Variants in TBC1D22A observed in about 807,000 individuals in gnomAD.
TBC1D22A encodes the protein putative GTPase activator.
A neutral mutation model predicts 60.2 loss-of-function variants in TBC1D22A; 38 were observed. That is an observed-to-expected ratio of 0.63 (90% CI 0.49 to 0.83). The LOEUF (loss-of-function observed/expected upper bound fraction) is 0.83, where lower values mean the gene tolerates loss of function less well. Among genes scored for constraint, TBC1D22A ranks in the 40% least tolerant of loss-of-function variants. The probability of loss-of-function intolerance (pLI) is 0.00; values close to 1 mark genes in which losing one functional copy is unlikely to be tolerated. For missense variants in TBC1D22A, 628 were observed against 701.0 expected, an observed-to-expected ratio of 0.90 and a Z score of 1.18; for synonymous variants, 302 against 281.7, an observed-to-expected ratio of 1.07 and a Z score of -0.72.
Position 47,028,377 on chromosome 22 carries a change from G to T in TBC1D22A, c.1202-8694G>T, listed in dbSNP as rs890568900. 1.4e-5 allele frequency among the ~76,000 whole-genome samples: 2 copies of T among 138,976 alleles called. No homozygotes were observed. The highest frequency in any genetic ancestry group is 1.5e-5 in the Non-Finnish European group (1 of 64,904). 91.2% of individuals were successfully genotyped at this position (138,976 alleles called of 152,430 possible). ...GCCCAGGTTCTGAGAGTGAGTGGTC[G>T]CATTCCTGTCCCTCGGTCCCTGTCC... On this transcript the variant is annotated intron_variant, in intron 10 of 12. Coordinates refer to ENST00000337137, the MANE Select transcript of TBC1D22A (RefSeq NM_014346.5). This position sits in a 1 kb window ranked among gnomAD's most constrained non-coding sequence, Gnocchi z 4.4.
In TBC1D22A at chr22:46,847,948, TGTGTGTGCGC is replaced by T. The variant is rs1266258089; in HGVS notation, c.638-30703_638-30694del. Among the ~76,000 whole-genome samples, 1,168 of 119,808 alleles carry T rather than the reference TGTGTGTGCGC, an allele frequency of 9.7e-3. 6 individuals carry two copies. Among genetic ancestry groups the T allele is most frequent in the African/African-American group, 0.027 (685 of 25,336 alleles). The allele number at this position is 119,808 out of a possible 152,430, so 78.6% of individuals were successfully genotyped here. On this transcript the variant is annotated intron_variant, in intron 4 of 12. Transcript: ENST00000337137. ...GTGTGTGTGTGTGTGTGTGTGTGTG[TGTGTGTGCGC>T]GCGCGCACGCGCTCTACACAGTAAA... is the stretch of plus-strand genomic sequence containing the variant.
intron 10 of TBC1D22A, among the ~76,000 whole-genome samples, chr22:47,030,939 C>T (rs1340175373): frequency 2.6e-5 from 4 of 152,168 alleles, no homozygotes; most frequent in Non-Finnish European, 4.4e-5. Flanking sequence ...TGGCCACGCC[C>T]GCACCCTTCA....
intron 11 of TBC1D22A, among the ~76,000 whole-genome samples, chr22:47,096,841 A>G (rs2065199110): frequency 6.6e-6 from 1 of 152,132 alleles, no homozygotes; most frequent in South Asian, 2.1e-4. Context: ...AAAAATAAAT[A>G]AATAAATAAA....
chr22:46,767,318 C>G (rs982373031), intron 1 of TBC1D22A, among the ~76,000 whole-genome samples: 2 of 152,162 alleles, frequency 1.3e-5, no homozygotes, highest in African/African-American at 4.8e-5. Context: ...ATCTGTAGCA[C>G]AAAGCGGTTG....
intron 4 of TBC1D22A, among the ~76,000 whole-genome samples, chr22:46,860,596 C>T (rs112767211): frequency 5.7e-4 from 85 of 149,188 alleles, no homozygotes; most frequent in African/African-American, 2.1e-3. Flanking sequence ...CTTCCCGGGA[C>T]CAGAATCCTT....
At chr22:46,810,970 C>A (rs949286482) in intron 4 of TBC1D22A, among the ~76,000 whole-genome samples, 23 of 152,162 alleles carry the variant, frequency 1.5e-4, no homozygotes, top group African/African-American at 5.3e-4. Flanking sequence ...ATTGAAGAGG[C>A]TGGGCTTACT....
intron 1 of TBC1D22A, among the ~76,000 whole-genome samples, chr22:46,767,257 T>G (rs1020323173): frequency 1.3e-5 from 2 of 152,176 alleles, no homozygotes; most frequent in African/African-American, 4.8e-5. Flanking sequence ...TTAACTTTCT[T>G]TTTCCGGTAG....
chr22:46,810,733 T>C (rs939272741), intron 4 of TBC1D22A, among the ~76,000 whole-genome samples: 1 of 152,222 alleles, frequency 6.6e-6, no homozygotes, highest in African/African-American at 2.4e-5. Context: ...GGAGGAGTTT[T>C]TTTTAAAACA....
intron 10 of TBC1D22A, among the ~76,000 whole-genome samples, chr22:47,008,621 T>C (rs1026391707): frequency 2.0e-5 from 3 of 152,162 alleles, no homozygotes; most frequent in African/African-American, 7.2e-5. Context: ...GCAGGAAGGA[T>C]AGGACAACGA....
intron 11 of TBC1D22A, among the ~76,000 whole-genome samples, chr22:47,077,246 A>G (rs1383136650): frequency 6.6e-6 from 1 of 152,168 alleles, no homozygotes; most frequent in African/African-American, 2.4e-5. Flanking sequence ...GTGTGCATTC[A>G]CTACTCTTGT....
At chr22:47,157,715 G>T (rs1300522359) in intron 12 of TBC1D22A, among the ~76,000 whole-genome samples, 1 of 152,226 alleles carries the variant, frequency 6.6e-6, no homozygotes, top group Non-Finnish European at 1.5e-5. Flanking sequence ...GTGAGGCGGT[G>T]TGGCTCAGCT....
chr22:47,145,649 G>A (rs5766697), intron 12 of TBC1D22A, among the ~76,000 whole-genome samples: 75,093 of 152,086 alleles, frequency 0.49, 20,657 homozygotes, highest in East Asian at 0.77. Context: ...TTGTTTTAGA[G>A]TTTTTTATGT....
chr22:47,163,783 G>A (rs987765251), intron 12 of TBC1D22A, among the ~76,000 whole-genome samples: 3 of 152,180 alleles, frequency 2.0e-5, no homozygotes, highest in Non-Finnish European at 2.9e-5. Flanking sequence ...CAAGCCACCC[G>A]GTCCTGACAC....
chr22:46,823,063 G>A (rs1480747978), intron 4 of TBC1D22A, among the ~76,000 whole-genome samples: 1 of 152,206 alleles, frequency 6.6e-6, no homozygotes, highest in Non-Finnish European at 1.5e-5. Flanking sequence ...GGAACCACAA[G>A]TATCCGGCTG....
chr22:47,127,264 G>GT (rs1336289324), intron 12 of TBC1D22A, among the ~76,000 whole-genome samples: 1 of 123,600 alleles, frequency 8.1e-6, no homozygotes, highest in African/African-American at 3.2e-5. Context: ...GTCTTGCTCT[G>GT]TCACCCAGGC....
At chr22:47,033,139 C>T (rs971531373) in intron 10 of TBC1D22A, among the ~76,000 whole-genome samples, 1 of 152,204 alleles carries the variant, frequency 6.6e-6, no homozygotes, top group Non-Finnish European at 1.5e-5. Context: ...CGTGTCAGTG[C>T]GCTGGGGGCA....
intron 10 of TBC1D22A, among the ~76,000 whole-genome samples, chr22:47,011,629 A>G (rs1031729869): frequency 7.2e-5 from 11 of 152,194 alleles, no homozygotes; most frequent in Non-Finnish European, 1.5e-4. Flanking sequence ...TTGCTTCAAC[A>G]TAGCTCATGG....
At chr22:46,824,294 G>C (rs2085955022) in intron 4 of TBC1D22A, among the ~76,000 whole-genome samples, 1 of 152,102 alleles carries the variant, frequency 6.6e-6, no homozygotes, top group Non-Finnish European at 1.5e-5. Context: ...AGGTGATTTG[G>C]ATGGTCATTC....
intron 4 of TBC1D22A, among the ~76,000 whole-genome samples, chr22:46,818,232 T>C (rs2085684092): frequency 6.6e-6 from 1 of 152,252 alleles, no homozygotes; most frequent in African/African-American, 2.4e-5. Context: ...TCTTTTGCTC[T>C]GCAGAAGCTC....
Sources: gnomAD v4.1 joint callset for allele counts (sites outside exome capture counted in the v4.1 genomes callset) on GRCh38, gnomAD v4.1.1 for gene constraint, Gnocchi (gnomAD v3.1) non-coding constraint, MANE v1.5 for transcripts, NCBI Gene and HGNC (gene_info 2026-07-23, HGNC 2026-07-21) for gene names.